KRABD2: variants seen among roughly 807,000 people sequenced by gnomAD.
KRABD2 encodes the protein KRAB domain containing 2, also known as KRAB domain-containing protein 2.
chr17:8,375,945 A>G, the KRABD2 span: 3 of 1,230,372 alleles, frequency 2.4e-6, no homozygotes, highest in African/African-American at 3.1e-5. Context: ...ATGTCCTCGC[A>G]TTGATCCTCC....
At chr17:8,362,955 G>T in the KRABD2 span, among the ~76,000 whole-genome samples, 368 of 152,344 alleles carry the variant, frequency 2.4e-3, 1 homozygote, top group African/African-American at 8.3e-3. This position sits in a 1 kb window ranked among gnomAD's most constrained non-coding sequence, Gnocchi z 4.2. Flanking sequence ...AATTTCTGCC[G>T]AAGTTCAAGG....
chr17:8,363,885 T>A, the KRABD2 span, among the ~76,000 whole-genome samples: 109 of 77,884 alleles, frequency 1.4e-3, no homozygotes, highest in Middle Eastern at 6.4e-3. Context: ...TTATTTATTT[T>A]TTAGACAGAT....
chr17:8,369,334 G>T, the KRABD2 span: 1 of 1,614,170 alleles, frequency 6.2e-7, no homozygotes, highest in Non-Finnish European at 8.5e-7. Context: ...ACAGTTTCCC[G>T]GGGCAAGTTT....
At chr17:8,363,151 C>T in the KRABD2 span, among the ~76,000 whole-genome samples, 2 of 151,996 alleles carry the variant, frequency 1.3e-5, no homozygotes, top group African/African-American at 4.8e-5. Flanking sequence ...GGTTGGGTGA[C>T]CCATGGTGCC....
At chr17:8,363,848 TATATATATA>T in the KRABD2 span, among the ~76,000 whole-genome samples, 2 of 89,890 alleles carry the variant, frequency 2.2e-5, no homozygotes, top group African/African-American at 7.9e-5. Flanking sequence ...TATATATATA[TATATATATA>T]TATATTTATT....
At chr17:8,375,927 G>C in the KRABD2 span, 1 of 1,229,434 alleles carries the variant, frequency 8.1e-7, no homozygotes. Context: ...GGCTGTTTCC[G>C]ACTCGGAATG....
the KRABD2 span, chr17:8,369,352 A>G: frequency 1.9e-6 from 3 of 1,614,264 alleles, no homozygotes; most frequent in Non-Finnish European, 2.5e-6. Flanking sequence ...TTTGAGGAAT[A>G]TAGCCCAAAT....
the KRABD2 span, among the ~76,000 whole-genome samples, chr17:8,361,654 C>G: frequency 6.6e-6 from 1 of 152,158 alleles, no homozygotes; most frequent in Non-Finnish European, 1.5e-5. Context: ...ACCTCCTGGG[C>G]TCAAGAGATC....
the KRABD2 span, among the ~76,000 whole-genome samples, chr17:8,366,183 G>A: frequency 5.3e-5 from 8 of 151,790 alleles, no homozygotes; most frequent in East Asian, 1.9e-4. Context: ...CTCCTTCCCC[G>A]TGCCCATTTC....
the KRABD2 span, chr17:8,376,121 G>A: frequency 1.6e-6 from 2 of 1,231,500 alleles, no homozygotes; most frequent in South Asian, 4.1e-5. Context: ...GGTAGGGACG[G>A]AGGCTTCTAC....
chr17:8,360,849 GGCTCAT>G, the KRABD2 span, among the ~76,000 whole-genome samples: 7 of 152,152 alleles, frequency 4.6e-5, no homozygotes, highest in African/African-American at 1.7e-4. Flanking sequence ...AGAGGTAACG[GGCTCAT>G]GCACTGATTG....
the KRABD2 span, chr17:8,369,034 A>AGTGC: frequency 6.7e-7 from 1 of 1,488,260 alleles, no homozygotes; most frequent in Non-Finnish European, 8.9e-7. Flanking sequence ...TTGACCTGAG[A>AGTGC]GTGCAGCCTT....
At chr17:8,371,465 G>A in the KRABD2 span, 1 of 1,613,756 alleles carries the variant, frequency 6.2e-7, no homozygotes, top group Non-Finnish European at 8.5e-7. Flanking sequence ...ATAGTCTTGG[G>A]GCCTGGGCTA....
the KRABD2 span, among the ~76,000 whole-genome samples, chr17:8,362,781 T>C: frequency 6.6e-6 from 1 of 152,202 alleles, no homozygotes; most frequent in African/African-American, 2.4e-5. The surrounding 1 kb of genome is among the most constrained non-coding windows in gnomAD (Gnocchi z 4.2). Flanking sequence ...GGGCTTTGGC[T>C]CCTCTCAATG....
the KRABD2 span, among the ~76,000 whole-genome samples, chr17:8,373,180 CGG>C: frequency 6.9e-6 from 1 of 144,442 alleles, no homozygotes; most frequent in African/African-American, 2.7e-5. Flanking sequence ...TCCGTCTCCA[CGG>C]TCTCCCTCTC....
the KRABD2 span, among the ~76,000 whole-genome samples, chr17:8,368,421 GC>G: frequency 2.0e-5 from 3 of 152,080 alleles, no homozygotes; most frequent in African/African-American, 4.8e-5. Context: ...AGGGGAGAAG[GC>G]CACATGAAGA....
the KRABD2 span, among the ~76,000 whole-genome samples, chr17:8,362,132 G>A: frequency 1.1e-4 from 16 of 152,176 alleles, no homozygotes; most frequent in East Asian, 1.9e-4. The surrounding 1 kb of genome is among the most constrained non-coding windows in gnomAD (Gnocchi z 4.2). Context: ...GATCAAGACC[G>A]ACCGTCCTGG....
At chr17:8,369,853 T>A in the KRABD2 span, 18 of 1,614,086 alleles carry the variant, frequency 1.1e-5, no homozygotes, top group Admixed American at 6.7e-5. Context: ...TTAAAAGTCA[T>A]GGGCTTTGGT....
the KRABD2 span, among the ~76,000 whole-genome samples, chr17:8,360,792 A>G: frequency 1.3e-5 from 2 of 152,358 alleles, no homozygotes; most frequent in Middle Eastern, 3.4e-3. Flanking sequence ...CCCCCTTACA[A>G]TTCAACAACC....
Sources: gnomAD v4.1 joint callset for allele counts (sites outside exome capture counted in the v4.1 genomes callset) on GRCh38, gnomAD v4.1.1 for gene constraint, Gnocchi (gnomAD v3.1) non-coding constraint, MANE v1.5 for transcripts, NCBI Gene and HGNC (gene_info 2026-07-23, HGNC 2026-07-21) for gene names.